Variants in GSG1L observed in about 807,000 individuals in gnomAD.
GSG1L encodes germ cell-specific gene 1-like protein.
In GSG1L, 24 loss-of-function variants were observed where a neutral mutation model predicts 42.1. The ratio of observed to expected loss-of-function variants is 0.57; its 90% confidence interval spans 0.41 to 0.80. The LOEUF is 0.80. Ranked by LOEUF, GSG1L falls within the 30% of genes least tolerant of loss-of-function variation. The pLI, the probability that GSG1L is intolerant of heterozygous loss-of-function variation, is 0.00. For synonymous variants in GSG1L, 215 were observed against 203.5 expected, an observed-to-expected ratio of 1.06 and a Z score of -0.48; for missense variants, 445 against 472.2, an observed-to-expected ratio of 0.94 and a Z score of 0.53.
intron 5 of GSG1L, among the ~76,000 whole-genome samples, chr16:27,821,600 C>T (rs1173071845): frequency 6.6e-6 from 1 of 152,130 alleles, no homozygotes; most frequent in East Asian, 1.9e-4. Context: ...TAAAACTCAG[C>T]CCAAATTTAA....
At chr16:27,811,377 T>C (rs899955298) in intron 5 of GSG1L, among the ~76,000 whole-genome samples, 3 of 152,148 alleles carry the variant, frequency 2.0e-5, no homozygotes, top group Admixed American at 1.3e-4. Context: ...TAATGGTGCA[T>C]GTGGTGAGTT....
intron 6 of GSG1L, among the ~76,000 whole-genome samples, chr16:27,800,684 CAGTT>C (rs1816930191): frequency 6.6e-6 from 1 of 152,084 alleles, no homozygotes; most frequent in Non-Finnish European, 1.5e-5. Flanking sequence ...TCTTTGGGGA[CAGTT>C]AGGATAACCA....
chr16:28,004,027 C>T (rs1709464001), intron 1 of GSG1L, among the ~76,000 whole-genome samples: 1 of 152,250 alleles, frequency 6.6e-6, no homozygotes, highest in African/African-American at 2.4e-5. Context: ...GAGTGTCACG[C>T]ACCAGCCAGG....
chr16:27,990,631 A>C (rs2085445146), intron 1 of GSG1L, among the ~76,000 whole-genome samples: 1 of 152,316 alleles, frequency 6.6e-6, no homozygotes, highest in Admixed American at 6.5e-5. Flanking sequence ...GAACCTCAAG[A>C]TATTTTGGGA....
chr16:28,045,293 G>C (rs2086148873), intron 1 of GSG1L, among the ~76,000 whole-genome samples: 2 of 152,198 alleles, frequency 1.3e-5, no homozygotes. Context: ...GTTGATAATG[G>C]GAGAGGCTAT....
chr16:27,992,219 G>A (rs1744527712), intron 1 of GSG1L, among the ~76,000 whole-genome samples: 1 of 152,048 alleles, frequency 6.6e-6, no homozygotes, highest in Non-Finnish European at 1.5e-5. Flanking sequence ...ATTTTCGGTT[G>A]GGCCCAGTGG....
intron 2 of GSG1L, among the ~76,000 whole-genome samples, chr16:27,897,008 C>A (rs970409382): frequency 6.6e-6 from 1 of 152,156 alleles, no homozygotes; most frequent in Admixed American, 6.5e-5. Context: ...GGATTACAGG[C>A]GTACACCATC....
At chr16:28,008,488 G>A (rs1044853973) in intron 1 of GSG1L, among the ~76,000 whole-genome samples, 24 of 152,326 alleles carry the variant, frequency 1.6e-4, no homozygotes, top group African/African-American at 5.8e-4. Flanking sequence ...GGCCAAGGCT[G>A]CCTCCATCAT....
chr16:28,022,664 T>C (rs1027552374), intron 1 of GSG1L, among the ~76,000 whole-genome samples: 4 of 151,824 alleles, frequency 2.6e-5, no homozygotes, highest in African/African-American at 7.3e-5. Context: ...TTTTTTGTTT[T>C]TTGTTTTGTT....
chr16:28,020,165 G>A (rs918136789), intron 1 of GSG1L, among the ~76,000 whole-genome samples: 4 of 152,138 alleles, frequency 2.6e-5, no homozygotes, highest in African/African-American at 9.7e-5. Flanking sequence ...GATCAAAATC[G>A]GCCCTACTGT....
At chr16:27,850,410 C>T (rs1326286140) in intron 3 of GSG1L, 5 of 426,996 alleles carry the variant, frequency 1.2e-5, no homozygotes, top group Admixed American at 2.5e-5. Flanking sequence ...TAGTCAGAAC[C>T]GGAGACTTAA....
At chr16:27,852,292 C>T (rs991884525) in intron 3 of GSG1L, among the ~76,000 whole-genome samples, 2 of 152,124 alleles carry the variant, frequency 1.3e-5, no homozygotes, top group African/African-American at 4.8e-5. Flanking sequence ...AAAGGGAAAC[C>T]CCTGACCTTC....
intron 2 of GSG1L, among the ~76,000 whole-genome samples, chr16:27,935,190 GC>G (rs967330672): frequency 1.3e-5 from 2 of 152,126 alleles, no homozygotes; most frequent in Admixed American, 6.5e-5. Flanking sequence ...GAGCAGGGGA[GC>G]CCCTAATCCC....
At chr16:27,949,648 C>T (rs185212717) in intron 2 of GSG1L, among the ~76,000 whole-genome samples, 4 of 151,720 alleles carry the variant, frequency 2.6e-5, no homozygotes, top group East Asian at 1.9e-4. Flanking sequence ...CATGACAGGC[C>T]GGCGCAGTGG....
chr16:28,048,920 A>T (rs919773724), intron 1 of GSG1L, among the ~76,000 whole-genome samples: 4 of 152,196 alleles, frequency 2.6e-5, no homozygotes, highest in Non-Finnish European at 4.4e-5. Flanking sequence ...AGGCTTTTTT[A>T]AAAAAGATGG....
At chr16:27,798,525 G>A (rs776202279) in intron 6 of GSG1L, among the ~76,000 whole-genome samples, 4 of 152,268 alleles carry the variant, frequency 2.6e-5, no homozygotes, top group Non-Finnish European at 4.4e-5. Context: ...GCAAGTGGAC[G>A]GGTATGGCCT....
intron 3 of GSG1L, among the ~76,000 whole-genome samples, chr16:27,878,809 C>T (rs1016386238): frequency 6.6e-6 from 1 of 152,186 alleles, no homozygotes; most frequent in Non-Finnish European, 1.5e-5. Flanking sequence ...GGACCACTGC[C>T]TTGGGGGCTT....
At chr16:28,043,598 T>C (rs889796537) in intron 1 of GSG1L, among the ~76,000 whole-genome samples, 1 of 152,128 alleles carries the variant, frequency 6.6e-6, no homozygotes, top group Non-Finnish European at 1.5e-5. Flanking sequence ...GGAACTGGAA[T>C]AGGAGAAAAG....
At chr16:27,865,407 T>C (rs918621) in intron 3 of GSG1L, among the ~76,000 whole-genome samples, 75,058 of 150,756 alleles carry the variant, frequency 0.5, 19,256 homozygotes, top group African/African-American at 0.64. Flanking sequence ...GCCCTACAGG[T>C]CTTCTCAGCC....
Sources: gnomAD v4.1 joint callset for allele counts (sites outside exome capture counted in the v4.1 genomes callset) on GRCh38, gnomAD v4.1.1 for gene constraint, MANE v1.5 for transcripts, NCBI Gene and HGNC (gene_info 2026-07-23, HGNC 2026-07-21) for gene names.